Variants in FAM234A observed in about 807,000 individuals in gnomAD.
FAM234A encodes family with sequence similarity 234 member A.
In FAM234A, 42 loss-of-function variants were observed where a neutral mutation model predicts 49.1. That is an observed-to-expected ratio of 0.86 (90% CI 0.67 to 1.11). The LOEUF (loss-of-function observed/expected upper bound fraction) is 1.11. FAM234A is among the 50% of genes least tolerant of loss of function. The pLI, the probability that FAM234A is intolerant of heterozygous loss-of-function variation, is 0.00. For synonymous variants in FAM234A, 369 were observed against 316.2 expected, an observed-to-expected ratio of 1.17 and a Z score of -1.77; for missense variants, 815 against 745.2, an observed-to-expected ratio of 1.09 and a Z score of -1.09.
chr16:269,114 C>T, downstream of FAM234A: 1 of 886,228 alleles, frequency 1.1e-6, no homozygotes, highest in Non-Finnish European at 1.8e-6. Flanking sequence ...GGGAGGGAGG[C>T]TGTGCACCCC....
Position 265,418 on chromosome 16 carries a change from A to G in FAM234A, c.*396A>G. On this transcript the variant is annotated 3_prime_UTR_variant, in exon 13 of 13. Coordinates refer to ENST00000399932, the MANE Select transcript of FAM234A (RefSeq NM_032039.4). ...CCAGGCCAGAGCGGCCATCGCGTAG[A>G]AAGAACCAGGGTGTCCCCGGGACAG... is the stretch of plus-strand genomic sequence containing the variant. 2 of 1,013,714 alleles carry G rather than the reference A, an allele frequency of 2.0e-6. No homozygotes were observed. The highest frequency in any genetic ancestry group is 9.9e-5 in the East Asian group (1 of 10,140). 62.8% of individuals were successfully genotyped at this position (1,013,714 alleles called of 1,614,324 possible).
At chr16:250,008 C>T (rs1334849738) in intron 2 of FAM234A, among the ~76,000 whole-genome samples, 2 of 152,248 alleles carry the variant, frequency 1.3e-5, no homozygotes, top group East Asian at 1.9e-4. Flanking sequence ...TGCAGTGGCG[C>T]GATCTCGGCT....
chr16:245,089 G>T (rs879582255), intron 1 of FAM234A, among the ~76,000 whole-genome samples: 2 of 152,006 alleles, frequency 1.3e-5, no homozygotes, highest in Non-Finnish European at 2.9e-5. Context: ...TTTAGGCTGG[G>T]CGTGGCCCAC....
chr16:269,499 T>C (rs765134552), downstream of FAM234A: 6 of 1,612,758 alleles, frequency 3.7e-6, no homozygotes, highest in African/African-American at 8.0e-5. Flanking sequence ...CTGCCTGGGC[T>C]CACCGTCTCT....
In FAM234A at chr16:264,256, C is replaced by T. The variant is rs75571507; in HGVS notation, c.1344+85C>T. On this transcript the variant is annotated intron_variant, in intron 11 of 12. Transcript: ENST00000399932. Reference sequence around the variant, plus strand: ...AGCTCCACCGTGGAGTGCCCAGAAGCTCATCGGTGCCTGGGCAACCTCACA... The same window carrying T: ...AGCTCCACCGTGGAGTGCCCAGAAGTTCATCGGTGCCTGGGCAACCTCACA... The T allele has an allele frequency of 2.1e-3, 2,847 of 1,359,070 alleles. 43 individuals carry two copies. In the African/African-American group the frequency reaches 0.037, roughly 18 times the overall value. The allele number at this position is 1,359,070 out of a possible 1,614,324, so 84.2% of individuals were successfully genotyped here.
chr16:266,313 G>C (rs894317659), downstream of FAM234A, among the ~76,000 whole-genome samples: 1 of 152,200 alleles, frequency 6.6e-6, no homozygotes, highest in East Asian at 1.9e-4. Flanking sequence ...GGGGGTCTCC[G>C]GTTTGAGGAC....
At chr16:258,086 C>T (rs933454301) in intron 3 of FAM234A, among the ~76,000 whole-genome samples, 12 of 151,458 alleles carry the variant, frequency 7.9e-5, no homozygotes, top group Admixed American at 5.9e-4. Context: ...GGACTCCTGA[C>T]CTTGTGATCC....
At position 265,129 on chromosome 16, in the gene FAM234A, C is replaced by T. The variant is rs1285767164; in HGVS notation, c.*107C>T. ...TGCACTGACTCCCCCACTCCTGACC[C>T]TGGTGATGGTCGCCACTGGGCAGCA... On this transcript the variant is annotated 3_prime_UTR_variant, in exon 13 of 13. Coordinates refer to ENST00000399932, the MANE Select transcript of FAM234A (RefSeq NM_032039.4). 6.8e-7 allele frequency: 1 copy of T among 1,466,632 alleles called. No homozygotes were observed. 90.9% of individuals were successfully genotyped at this position (1,466,632 alleles called of 1,614,324 possible).
chr16:265,168 T>A lies in FAM234A; in HGVS notation c.*146T>A, dbSNP rs915284182. ...CACTGGGCAGCAGCAGCCTTACCAG[T>A]CCTCCATGATCACACCCAGGGACCT... is the stretch of plus-strand genomic sequence containing the variant. On this transcript the variant is annotated 3_prime_UTR_variant, in exon 13 of 13. Coordinates refer to ENST00000399932, the MANE Select transcript of FAM234A (RefSeq NM_032039.4). 6 of 1,426,924 alleles carry A rather than the reference T, an allele frequency of 4.2e-6. No individual in the cohort carries two copies. In the Admixed American group the frequency reaches 1.7e-4, roughly 41 times the overall value. The allele number at this position is 1,426,924 out of a possible 1,614,324, so 88.4% of individuals were successfully genotyped here.
At chr16:269,199 C>CG (rs1370661282), downstream of FAM234A, 30 of 1,205,956 alleles carry the variant, frequency 2.5e-5, no homozygotes, top group Non-Finnish European at 3.4e-5. Flanking sequence ...TGGGCCAAGA[C>CG]GGGGGTGGCT....
At position 263,369 on chromosome 16, in the gene FAM234A, C is replaced by G; in HGVS notation, c.1079C>G (p.Pro360Arg). Residue 360 changes from proline (P) to arginine (R), a missense_variant, in exon 9 of 13, where the codon CCT (proline) becomes CGT (arginine). Physicochemically the swap from Pro to Arg is moderately radical, Grantham distance 103. Coordinates refer to ENST00000399932, the MANE Select transcript of FAM234A (RefSeq NM_032039.4). ...FVLLDGQELT[P>R]RWTPKAAHVL... ...CTGCTGGACGGGCAGGAGCTGACGC[C>G]TCGCTGGACACCCAAGGCAGCCCAT... 6.2e-7 allele frequency: 1 copy of G among 1,611,954 alleles called. No individual in the cohort carries two copies. The highest frequency in any genetic ancestry group is 8.5e-7 in the Non-Finnish European group (1 of 1,179,998).
chr16:252,706 A>G (rs1322176353), intron 2 of FAM234A, among the ~76,000 whole-genome samples: 1 of 152,206 alleles, frequency 6.6e-6, no homozygotes, highest in Non-Finnish European at 1.5e-5. Flanking sequence ...AGTGTCATAC[A>G]CAGGTTATTA....
rs1326932209 is a variant in FAM234A, at chr16:236,869, T to C, written c.-140+2012T>C. ...CTGCAGTGAGCCGAGATCGCGCCAC[T>C]GCACTCCAGCCTGGGCCACAGCGAG... On this transcript the variant is annotated intron_variant, in intron 1 of 12. Coordinates refer to ENST00000399932, the MANE Select transcript of FAM234A (RefSeq NM_032039.4). 3.7e-5 allele frequency among the ~76,000 whole-genome samples: 3 copies of C among 80,876 alleles called. 1 individual carries two copies. Among genetic ancestry groups the C allele is most frequent in the African/African-American group, 7.5e-5 (2 of 26,640 alleles). 53.1% of individuals were successfully genotyped at this position (80,876 alleles called of 152,430 possible). A position where few individuals can be genotyped will look rare whatever the true frequency, so the allele number is the denominator to read the frequency against.
At chr16:261,604 C>A in intron 6 of FAM234A, 90 bp downstream of exon 6, 1 of 1,462,564 alleles carries the variant, frequency 6.8e-7, no homozygotes, top group Non-Finnish European at 9.2e-7. Context: ...ACTTCCCAGA[C>A]AGGATTCGGG....
At chr16:243,108 G>T (rs1030254075) in intron 1 of FAM234A, among the ~76,000 whole-genome samples, 3 of 151,598 alleles carry the variant, frequency 2.0e-5, no homozygotes, top group Admixed American at 1.3e-4. Flanking sequence ...AGCCTCCCAG[G>T]TAGCTGGGAC....
At chr16:239,472 G>A (rs867435240) in intron 1 of FAM234A, among the ~76,000 whole-genome samples, 8 of 140,502 alleles carry the variant, frequency 5.7e-5, no homozygotes, top group Middle Eastern at 0.01. Flanking sequence ...AAAACTAGTC[G>A]GACGTGGTGG....
At chr16:258,504 AAG>A (rs2051328724) in intron 3 of FAM234A, among the ~76,000 whole-genome samples, 1 of 80,162 alleles carries the variant, frequency 1.2e-5, no homozygotes, top group African/African-American at 1.1e-4. Context: ...CCCAAGGCAG[AAG>A]AAGTTTTCTT....
At chr16:241,448 A>G (rs1043917023) in intron 1 of FAM234A, among the ~76,000 whole-genome samples, 1 of 152,032 alleles carries the variant, frequency 6.6e-6, no homozygotes, top group Non-Finnish European at 1.5e-5. Context: ...CTGAACAAAA[A>G]TTAGCTGGTG....
intron 2 of FAM234A, among the ~76,000 whole-genome samples, chr16:252,186 T>C (rs28767310): frequency 1.6e-5 from 1 of 61,406 alleles, no homozygotes; most frequent in Non-Finnish European, 2.6e-5. Context: ...CTGTTTTTTG[T>C]TTTTTTTTTT....
Sources: gnomAD v4.1 joint callset for allele counts (sites outside exome capture counted in the v4.1 genomes callset) on GRCh38, gnomAD v4.1.1 for gene constraint, MANE v1.5 for transcripts, NCBI Gene and HGNC (gene_info 2026-07-23, HGNC 2026-07-21) for gene names.